Variants in MBNL1 observed in about 807,000 individuals in gnomAD.
MBNL1 encodes muscleblind-like protein 1.
MBNL1 carries 8 observed loss-of-function variants against 42.2 expected under a neutral mutation model. The observed-to-expected ratio is 0.19, with a 90% CI of 0.11 to 0.34. MBNL1 has a LOEUF of 0.34. Among genes scored for constraint, MBNL1 ranks in the 10% least tolerant of loss-of-function variants. The pLI is 1.00. For synonymous variants in MBNL1, 169 were observed against 173.9 expected, an observed-to-expected ratio of 0.97 and a Z score of 0.22; for missense variants, 309 against 495.3, an observed-to-expected ratio of 0.62 and a Z score of 3.57.
At chr3:152,354,892 T>C (rs1166561584) in intron 2 of MBNL1, among the ~76,000 whole-genome samples, 1 of 152,210 alleles carries the variant, frequency 6.6e-6, no homozygotes, top group Admixed American at 6.5e-5. Context: ...CTCTGGTTTC[T>C]CTTCAGATCG....
chr3:152,389,856 A>G (rs2097611727), intron 2 of MBNL1, among the ~76,000 whole-genome samples: 1 of 152,026 alleles, frequency 6.6e-6, no homozygotes, highest in Non-Finnish European at 1.5e-5. Flanking sequence ...CAACAAATTA[A>G]CCTTAATGTA....
chr3:152,255,884 G>A (rs1559937380), intron 2 of MBNL1, among the ~76,000 whole-genome samples: 2 of 152,182 alleles, frequency 1.3e-5, no homozygotes, highest in Non-Finnish European at 2.9e-5. Context: ...AAGAGTGATT[G>A]ACCAGCGCAA....
Position 152,299,427 on chromosome 3 carries a change from C to T in MBNL1, c.-767C>T, listed in dbSNP as rs2059920235. On this transcript the variant is annotated 5_prime_UTR_variant, in exon 2 of 10. Transcript: ENST00000324210. ...CAGGTTGGTACTAAGAAGTGCCTTT[C>T]CTGACGTCTCTGCTGCTTGGAACCG... 2.9e-6 allele frequency: 1 copy of T among 345,696 alleles called. No homozygotes were observed. Among genetic ancestry groups the T allele is most frequent in the Non-Finnish European group, 5.2e-6 (1 of 193,058 alleles). 21.4% of individuals were successfully genotyped at this position (345,696 alleles called of 1,614,324 possible).
chr3:152,275,755 G>C (rs1417850340), intron 1 of MBNL1, among the ~76,000 whole-genome samples: 1 of 148,234 alleles, frequency 6.7e-6, no homozygotes, highest in Non-Finnish European at 1.5e-5. Flanking sequence ...ATACCAGGCA[G>C]GTAGAAAAAC....
chr3:152,271,834 T>A (rs2042104220), intron 1 of MBNL1, among the ~76,000 whole-genome samples: 1 of 152,180 alleles, frequency 6.6e-6, no homozygotes, highest in Admixed American at 6.5e-5. Context: ...TCCAGTACAG[T>A]AGCCACATGT....
intron 2 of MBNL1, among the ~76,000 whole-genome samples, chr3:152,390,208 CAG>C (rs929318889): frequency 1.1e-4 from 17 of 149,982 alleles, no homozygotes; most frequent in African/African-American, 4.1e-4. Flanking sequence ...AAAATGCAAA[CAG>C]ATTGTACATC....
intron 2 of MBNL1, among the ~76,000 whole-genome samples, chr3:152,253,222 C>T (rs1206566493): frequency 6.6e-6 from 1 of 152,090 alleles, no homozygotes; most frequent in Non-Finnish European, 1.5e-5. Context: ...GCTCCATCAC[C>T]AGTCTTCTTT....
intron 2 of MBNL1, among the ~76,000 whole-genome samples, chr3:152,409,007 G>A (rs1411568946): frequency 6.6e-6 from 1 of 152,006 alleles, no homozygotes; most frequent in African/African-American, 2.4e-5. Context: ...AGTCCTTTAC[G>A]GAAACAAGTG....
At chr3:152,356,774 C>T (rs1315216095) in intron 2 of MBNL1, among the ~76,000 whole-genome samples, 1 of 151,972 alleles carries the variant, frequency 6.6e-6, no homozygotes, top group Admixed American at 6.6e-5. Context: ...CCACACCTGG[C>T]CCTGCTTTTT....
At chr3:152,295,731 AAGG>A (rs902605518) in intron 1 of MBNL1, among the ~76,000 whole-genome samples, 2 of 152,210 alleles carry the variant, frequency 1.3e-5, no homozygotes, top group African/African-American at 4.8e-5. Flanking sequence ...CAATTTAAAC[AAGG>A]AGAAGGAATT....
intron 2 of MBNL1, among the ~76,000 whole-genome samples, chr3:152,307,617 G>C (rs1236468341): frequency 6.6e-6 from 1 of 152,136 alleles, no homozygotes; most frequent in East Asian, 1.9e-4. Context: ...CTGAAATACA[G>C]AGAAGTTAGG....
At chr3:152,265,343 T>C (rs1434975564), upstream of MBNL1, 2 of 152,180 alleles carry the variant, frequency 1.3e-5, no homozygotes, top group African/African-American at 4.8e-5. Flanking sequence ...TAAAAGAGTA[T>C]ACCTCCTTGA....
At chr3:152,266,708 G>A (rs2037291616), upstream of MBNL1, 1 of 152,132 alleles carries the variant, frequency 6.6e-6, no homozygotes, top group South Asian at 2.1e-4. Context: ...GCAAAATGAA[G>A]ACATAAAAAG....
intron 1 of MBNL1, among the ~76,000 whole-genome samples, chr3:152,279,371 C>T (rs2047092453): frequency 6.6e-6 from 1 of 152,082 alleles, no homozygotes; most frequent in African/African-American, 2.4e-5. Context: ...CCAGCATTCC[C>T]CAACCCCATC....
intron 4 of MBNL1, 117 bp from the exon 5 acceptor site, chr3:152,445,165 C>G: frequency 1.2e-6 from 1 of 813,766 alleles, no homozygotes; most frequent in South Asian, 2.1e-5. Context: ...GTTTGAAAAT[C>G]ATTTTCCCTT....
intron 2 of MBNL1, among the ~76,000 whole-genome samples, chr3:152,330,931 A>G (rs2083960805): frequency 6.6e-6 from 1 of 152,128 alleles, no homozygotes; most frequent in African/African-American, 2.4e-5. Context: ...ATTATCTACT[A>G]TATACAGTCA....
At chr3:152,326,778 A>AT (rs1553828480) in intron 2 of MBNL1, among the ~76,000 whole-genome samples, 1 of 141,964 alleles carries the variant, frequency 7.0e-6, no homozygotes, top group Non-Finnish European at 1.5e-5. Flanking sequence ...CCTTGGGAAA[A>AT]TTATTTATTT....
chr3:152,429,302 A>G (rs903375568), intron 3 of MBNL1, among the ~76,000 whole-genome samples: 7 of 152,328 alleles, frequency 4.6e-5, no homozygotes, highest in African/African-American at 1.7e-4. Context: ...CCTTAATGGA[A>G]TCAATGTCTG....
intron 3 of MBNL1, among the ~76,000 whole-genome samples, chr3:152,418,653 C>T (rs1356627630): frequency 6.8e-6 from 1 of 147,876 alleles, no homozygotes; most frequent in Non-Finnish European, 1.5e-5. Flanking sequence ...AGAGAGATCT[C>T]TGACCTTCCT....
Sources: allele counts gnomAD v4.1 joint callset (sites outside exome capture counted in the v4.1 genomes callset), GRCh38; gene constraint gnomAD v4.1.1; transcripts MANE v1.5; gene names NCBI Gene and HGNC (gene_info 2026-07-23, HGNC 2026-07-21).